The following LARS2 variants were observed in gnomAD, a reference collection of about 807,000 sequenced individuals.
LARS2 encodes leucyl-tRNA synthetase 2, mitochondrial.
LARS2 carries 81 observed loss-of-function variants against 116.6 expected under a neutral mutation model. That is an observed-to-expected ratio of 0.69 (90% CI 0.58 to 0.84). The LOEUF (loss-of-function observed/expected upper bound fraction) is 0.84. Ranked by LOEUF, LARS2 falls within the 40% of genes least tolerant of loss-of-function variation. LARS2 has a pLI of 0.00. For missense variants in LARS2, 968 were observed against 1,114.5 expected, an observed-to-expected ratio of 0.87 and a Z score of 1.87; for synonymous variants, 396 against 407.2, an observed-to-expected ratio of 0.97 and a Z score of 0.33.
intron 8 of LARS2, among the ~76,000 whole-genome samples, chr3:45,459,611 A>T (rs891310698): frequency 6.6e-5 from 10 of 152,226 alleles, no homozygotes; most frequent in Non-Finnish European, 1.3e-4. Context: ...TTGCTTATTA[A>T]GTCACCAAGA....
intron 7 of LARS2, among the ~76,000 whole-genome samples, chr3:45,449,250 C>T (rs774239980): frequency 2.0e-5 from 3 of 151,100 alleles, no homozygotes; most frequent in Non-Finnish European, 4.4e-5. Context: ...GCAACCTCCG[C>T]CTCCCGGGTT....
chr3:45,486,279 C>T (rs1181252805), intron 11 of LARS2, among the ~76,000 whole-genome samples: 4 of 152,214 alleles, frequency 2.6e-5, no homozygotes, highest in African/African-American at 7.2e-5. Context: ...GAGGCGAACT[C>T]GAGCTATTCA....
At chr3:45,475,301 A>G (rs1239260284) in intron 9 of LARS2, among the ~76,000 whole-genome samples, 7 of 152,196 alleles carry the variant, frequency 4.6e-5, no homozygotes, top group African/African-American at 9.6e-5. Flanking sequence ...CAGCCTCCTC[A>G]CAAAAGTGAT....
chr3:45,510,826 G>A (rs1461136622), intron 15 of LARS2, among the ~76,000 whole-genome samples: 2 of 152,188 alleles, frequency 1.3e-5, no homozygotes, highest in African/African-American at 2.4e-5. Flanking sequence ...GAGTTGTCAG[G>A]CATTGGTTTG....
intron 6 of LARS2, among the ~76,000 whole-genome samples, chr3:45,427,597 A>G (rs1698615735): frequency 6.6e-6 from 1 of 152,198 alleles, no homozygotes; most frequent in South Asian, 2.1e-4. Flanking sequence ...ACTTCCTTTT[A>G]CTGTGAAATA....
In LARS2 at chr3:45,541,901, C is replaced by A; in HGVS notation, c.2477C>A (p.Pro826His). ...WDASVLLQAW[P>H]AVDPEFLQQP... ...GCCAGTGTGCTGCTCCAGGCATGGC[C>A]TGCTGTGGACCCGGAGTTCCTGCAG... Residue 826 changes from proline (P) to histidine (H), a missense_variant, in exon 21 of 22, where the codon CCT becomes CAT. By Grantham distance (77) the Pro-to-His change is moderately conservative (BLOSUM62 -2). Transcript: ENST00000645846. 6.2e-7 allele frequency: 1 copy of A among 1,614,268 alleles called. No individual in the cohort carries two copies.
At chr3:45,430,198 C>T (rs539817209) in intron 6 of LARS2, among the ~76,000 whole-genome samples, 63 of 150,382 alleles carry the variant, frequency 4.2e-4, no homozygotes, top group African/African-American at 1.1e-3. Context: ...TGGTTTCAAT[C>T]TCTGACTTTG....
At chr3:45,534,573 T>C (rs1293448999) in intron 20 of LARS2, among the ~76,000 whole-genome samples, 2 of 152,166 alleles carry the variant, frequency 1.3e-5, no homozygotes, top group South Asian at 4.1e-4. Context: ...TCCACCAAGG[T>C]GGCATGTCAG....
At chr3:45,415,856 AAAAAATATAT>A (rs1235567053) in intron 4 of LARS2, among the ~76,000 whole-genome samples, 4 of 106,598 alleles carry the variant, frequency 3.8e-5, no homozygotes, top group African/African-American at 2.0e-4. Flanking sequence ...TCAAAAAAAA[AAAAAATATAT>A]ATATATATAT....
At position 45,450,716 on chromosome 3, in the gene LARS2, A is replaced by G. The variant is rs1172651309; in HGVS notation, c.606+3736A>G. On this transcript the variant is annotated intron_variant, in intron 7 of 21. Transcript: ENST00000645846. ...TATCTCTTCGGTAATCCTGATTTCAATTCCTTTGGATATATACCCAGCAGT... is the reference window on the plus strand; with the variant it reads ...TATCTCTTCGGTAATCCTGATTTCAGTTCCTTTGGATATATACCCAGCAGT... Among the ~76,000 whole-genome samples, 3 of 152,206 alleles carry G rather than the reference A, an allele frequency of 2.0e-5. 1 individual carries two copies. The highest frequency in any genetic ancestry group is 4.1e-4 in the South Asian group (2 of 4,830).
intron 15 of LARS2, 44 bp downstream of exon 15, chr3:45,500,623 T>A: frequency 6.9e-7 from 1 of 1,439,584 alleles, no homozygotes; most frequent in East Asian, 2.5e-5. Flanking sequence ...GTTCCATGAA[T>A]AGCAACTTTA....
intron 15 of LARS2, among the ~76,000 whole-genome samples, chr3:45,502,463 T>C (rs1167250904): frequency 6.6e-6 from 1 of 152,106 alleles, no homozygotes; most frequent in African/African-American, 2.4e-5. Flanking sequence ...TCCATCCTTT[T>C]CCCCACTGAT....
intron 7 of LARS2, among the ~76,000 whole-genome samples, chr3:45,452,870 C>G (rs191877877): frequency 6.6e-6 from 1 of 152,220 alleles, no homozygotes; most frequent in Admixed American, 6.5e-5. Context: ...TTCAGGTTTT[C>G]AATTACTTCA....
intron 20 of LARS2, among the ~76,000 whole-genome samples, chr3:45,525,895 G>A (rs1254173686): frequency 1.3e-5 from 2 of 152,186 alleles, no homozygotes; most frequent in African/African-American, 4.8e-5. Flanking sequence ...CAACCACATA[G>A]CTTAAATACT....
Position 45,430,583 on chromosome 3 carries a change from C to CT in LARS2, c.516+10873dup, listed in dbSNP as rs35964512. Among the ~76,000 whole-genome samples the CT allele has an allele frequency of 2.0e-3, 182 of 90,390 alleles. 2 individuals carry two copies. The highest frequency in any genetic ancestry group is 9.6e-3 in the South Asian group (24 of 2,494). 59.3% of individuals were successfully genotyped at this position (90,390 alleles called of 152,430 possible). ...GCGTGAGCCACTGCGCCCGGCCAAT[C>CT]TTTTTTTTTTTTTTTTTTTGAGTCA... is the stretch of plus-strand genomic sequence containing the variant. On this transcript the variant is annotated intron_variant, in intron 6 of 21. Transcript: ENST00000645846.
At chr3:45,441,321 G>C (rs549471544) in intron 6 of LARS2, among the ~76,000 whole-genome samples, 1 of 152,242 alleles carries the variant, frequency 6.6e-6, no homozygotes, top group Admixed American at 6.5e-5. Flanking sequence ...CATTGCACCC[G>C]GCCCATCACA....
At chr3:45,453,193 G>A (rs200913781) in intron 7 of LARS2, among the ~76,000 whole-genome samples, 37 of 148,410 alleles carry the variant, frequency 2.5e-4, no homozygotes, top group African/African-American at 5.2e-4. Context: ...TTATTATTTC[G>A]TTCCTTCTAC....
chr3:45,406,381 G>C (rs186704897), intron 4 of LARS2, among the ~76,000 whole-genome samples: 2 of 152,318 alleles, frequency 1.3e-5, no homozygotes, highest in East Asian at 3.9e-4. Flanking sequence ...TAGTTCTGAT[G>C]TAAGTGCTCT....
At chr3:45,483,361 T>C (rs1392776466) in intron 10 of LARS2, among the ~76,000 whole-genome samples, 2 of 152,178 alleles carry the variant, frequency 1.3e-5, no homozygotes, top group African/African-American at 4.8e-5. Flanking sequence ...GAAAAGATAG[T>C]GTGGAGGCCA....
Sources: allele counts gnomAD v4.1 joint callset (sites outside exome capture counted in the v4.1 genomes callset), GRCh38; gene constraint gnomAD v4.1.1; transcripts MANE v1.5; gene names NCBI Gene and HGNC (gene_info 2026-07-23, HGNC 2026-07-21).